Variants in POLR3B observed in about 807,000 individuals in gnomAD.
The protein encoded by POLR3B is DNA-directed RNA polymerase III subunit RPC2.
In POLR3B, 96 loss-of-function variants were observed where a neutral mutation model predicts 147.4. The ratio of observed to expected loss-of-function variants is 0.65; its 90% CI spans 0.55 to 0.77. The LOEUF is 0.77. Ranked by LOEUF, POLR3B falls within the 30% of genes least tolerant of loss-of-function variation. POLR3B has a pLI of 0.00. For synonymous variants in POLR3B, 461 were observed against 485.9 expected (o/e 0.95, Z 0.67); for missense variants, 1,036 against 1,413.5 (o/e 0.73, Z 4.28).
At chr12:106,500,004 A>C in intron 25 of POLR3B, 1 of 443,422 alleles carries the variant, frequency 2.3e-6, no homozygotes, top group Non-Finnish European at 4.5e-6. Context: ...ACTTGTTCCA[A>C]ATCAGACCAG....
At chr12:106,462,883 G>A (rs1449409615) in intron 22 of POLR3B, among the ~76,000 whole-genome samples, 7 of 151,948 alleles carry the variant, frequency 4.6e-5, no homozygotes, top group African/African-American at 1.7e-4. Context: ...CCCACCCCCA[G>A]CAGAATTGAC....
intron 21 of POLR3B, among the ~76,000 whole-genome samples, chr12:106,457,909 A>G (rs1228954811): frequency 3.9e-5 from 6 of 152,148 alleles, no homozygotes; most frequent in African/African-American, 1.2e-4. Context: ...GAGTTAACTA[A>G]AGAAGAGGAT....
chr12:106,434,099 G>GA (rs1402150872), intron 16 of POLR3B, among the ~76,000 whole-genome samples: 2 of 152,152 alleles, frequency 1.3e-5, no homozygotes, highest in African/African-American at 4.8e-5. Flanking sequence ...GGGAAAGGCA[G>GA]AAAAAATGAC....
intron 10 of POLR3B, among the ~76,000 whole-genome samples, chr12:106,401,271 C>T (rs1417860629): frequency 1.3e-5 from 2 of 152,066 alleles, no homozygotes; most frequent in Non-Finnish European, 2.9e-5. Context: ...AAGACTAAAC[C>T]AGGAAAAAGT....
intron 9 of POLR3B, 47 bp from the exon 10 acceptor site, chr12:106,392,984 A>G: frequency 2.5e-6 from 4 of 1,612,536 alleles, no homozygotes; most frequent in Non-Finnish European, 3.4e-6. Context: ...AATGTCAGTG[A>G]GTTAACACAA....
At chr12:106,451,301 A>G (rs1456550311) in intron 19 of POLR3B, among the ~76,000 whole-genome samples, 1 of 151,964 alleles carries the variant, frequency 6.6e-6, no homozygotes, top group African/African-American at 2.4e-5. Flanking sequence ...CTTTAAATGG[A>G]TGAAGTTTAT....
At chr12:106,400,904 C>A (rs2037055468) in intron 10 of POLR3B, among the ~76,000 whole-genome samples, 1 of 152,102 alleles carries the variant, frequency 6.6e-6, no homozygotes, top group South Asian at 2.1e-4. Context: ...CCTAACATCA[C>A]AATTAAAAGA....
intron 21 of POLR3B, among the ~76,000 whole-genome samples, chr12:106,458,769 A>T (rs972193579): frequency 7.2e-5 from 11 of 152,218 alleles, no homozygotes; most frequent in African/African-American, 2.7e-4. Context: ...TACTACAGGT[A>T]GTTGGTCTTT....
chr12:106,479,443 C>T (rs2137056013), intron 23 of POLR3B, among the ~76,000 whole-genome samples: 1 of 151,388 alleles, frequency 6.6e-6, no homozygotes, highest in Middle Eastern at 3.4e-3. Flanking sequence ...TGCAGTGGCG[C>T]AATCTTGGCT....
chr12:106,471,167 A>G (rs1258919807), intron 23 of POLR3B, among the ~76,000 whole-genome samples: 2 of 152,106 alleles, frequency 1.3e-5, no homozygotes, highest in African/African-American at 4.8e-5. Context: ...AGCCTCAGCA[A>G]TTGTGGATGC....
chr12:106,373,692 T>G (rs1679156724), intron 6 of POLR3B, among the ~76,000 whole-genome samples: 1 of 151,926 alleles, frequency 6.6e-6, no homozygotes, highest in Non-Finnish European at 1.5e-5. Flanking sequence ...AGGCGGAGGT[T>G]GCAGTGAGCC....
At chr12:106,358,589 A>G (rs920958396) in intron 1 of POLR3B, among the ~76,000 whole-genome samples, 1 of 151,372 alleles carries the variant, frequency 6.6e-6, no homozygotes, top group Non-Finnish European at 1.5e-5. Flanking sequence ...GATAAGGCAC[A>G]TTTTGTAATC....
At chr12:106,492,670 G>C (rs1167450790) in intron 23 of POLR3B, among the ~76,000 whole-genome samples, 1 of 152,152 alleles carries the variant, frequency 6.6e-6, no homozygotes, top group East Asian at 1.9e-4. Context: ...TAACAAATTG[G>C]TGTAGGAGCC....
chr12:106,497,883 G>A (rs2038520575), intron 25 of POLR3B, among the ~76,000 whole-genome samples: 1 of 152,120 alleles, frequency 6.6e-6, no homozygotes, highest in Non-Finnish European at 1.5e-5. Context: ...TATTTTCCCT[G>A]TAGCACTGAC....
At chr12:106,458,011 CAAG>C (rs984318830) in intron 21 of POLR3B, among the ~76,000 whole-genome samples, 7 of 152,290 alleles carry the variant, frequency 4.6e-5, no homozygotes, top group African/African-American at 1.7e-4. Flanking sequence ...GCGTGGCTAA[CAAG>C]AAGAGAGTGC....
intron 23 of POLR3B, among the ~76,000 whole-genome samples, chr12:106,471,175 T>C (rs1174318558): frequency 6.6e-6 from 1 of 152,168 alleles, no homozygotes; most frequent in Non-Finnish European, 1.5e-5. Flanking sequence ...CAATTGTGGA[T>C]GCCCCTGCCT....
intron 22 of POLR3B, 53 bp from the exon 23 acceptor site, chr12:106,463,425 T>G (rs946869457): frequency 2.6e-6 from 4 of 1,543,458 alleles, no homozygotes; most frequent in Non-Finnish European, 3.6e-6. Flanking sequence ...GGGTGAGAAG[T>G]TCACAAAGGG....
At position 106,509,805 on chromosome 12, in the gene POLR3B, C is replaced by G. The variant is rs1392582657; in HGVS notation, c.*256C>G. 7.3e-6 allele frequency: 3 copies of G among 413,172 alleles called. No homozygotes were observed. Among genetic ancestry groups the G allele is most frequent in the African/African-American group, 4.1e-5 (2 of 48,890 alleles). The allele number at this position is 413,172 out of a possible 1,614,324, so 25.6% of individuals were successfully genotyped here. On this transcript the variant is annotated 3_prime_UTR_variant, in exon 28 of 28. Coordinates refer to ENST00000228347, the MANE Select transcript of POLR3B (RefSeq NM_018082.6). ...TGCTTGATTCACAGATGGATGTGAC[C>G]TAAAGGATAAATAAGCTATTACTTA...
chr12:106,501,294 T>G, intron 25 of POLR3B, 29 bp from the exon 26 acceptor site: 1 of 1,458,246 alleles, frequency 6.9e-7, no homozygotes, highest in Admixed American at 1.7e-5. Flanking sequence ...CTTAGTTTCT[T>G]AACCCACAAC....
Sources: allele counts gnomAD v4.1 joint callset (sites outside exome capture counted in the v4.1 genomes callset), GRCh38; gene constraint gnomAD v4.1.1; transcripts MANE v1.5; gene names NCBI Gene and HGNC (gene_info 2026-07-23, HGNC 2026-07-21).